PRKD1: variants seen among roughly 807,000 people sequenced by gnomAD.
PRKD1 encodes serine/threonine-protein kinase D1.
In PRKD1, 63 loss-of-function variants were observed where a neutral mutation model predicts 95.9. The observed-to-expected ratio is 0.66, with a 90% CI of 0.54 to 0.81. PRKD1 has a LOEUF of 0.81. PRKD1 is among the 30% of genes least tolerant of loss of function. The probability of loss-of-function intolerance (pLI) is 0.00; values close to 1 mark genes in which losing one functional copy is unlikely to be tolerated. For missense variants in PRKD1, 1,048 were observed against 1,165.3 expected (o/e 0.90, Z 1.47); for synonymous variants, 425 against 423.1 (o/e 1.00, Z -0.05).
At chr14:29,889,075 T>C (rs955336263) in intron 1 of PRKD1, among the ~76,000 whole-genome samples, 3 of 152,216 alleles carry the variant, frequency 2.0e-5, no homozygotes, top group African/African-American at 7.2e-5. Flanking sequence ...TTAACAGCAT[T>C]GGTCCTCTAG....
chr14:29,877,718 T>A (rs1037713484), intron 1 of PRKD1, among the ~76,000 whole-genome samples: 1 of 152,212 alleles, frequency 6.6e-6, no homozygotes, highest in Admixed American at 6.5e-5. Flanking sequence ...TAACCAGTTA[T>A]CCCAGCACCA....
chr14:29,630,388 C>G (rs557958589), intron 10 of PRKD1, among the ~76,000 whole-genome samples: 1 of 152,238 alleles, frequency 6.6e-6, no homozygotes, highest in Admixed American at 6.5e-5. Flanking sequence ...CTCCACCTAC[C>G]TTGGCCTCCC....
At chr14:29,843,078 T>C (rs1160311817) in intron 1 of PRKD1, among the ~76,000 whole-genome samples, 1 of 152,204 alleles carries the variant, frequency 6.6e-6, no homozygotes, top group Admixed American at 6.5e-5. Context: ...TCCTAACTCC[T>C]AGTACCTCAG....
intron 1 of PRKD1, among the ~76,000 whole-genome samples, chr14:29,877,628 T>C (rs886292641): frequency 6.6e-6 from 1 of 152,214 alleles, no homozygotes; most frequent in Non-Finnish European, 1.5e-5. Flanking sequence ...TTGTTTTACA[T>C]TTAAGTCTTT....
At chr14:29,828,745 T>C (rs1186310871) in intron 1 of PRKD1, among the ~76,000 whole-genome samples, 2 of 152,126 alleles carry the variant, frequency 1.3e-5, no homozygotes, top group Admixed American at 1.3e-4. Context: ...ACAAAACATA[T>C]ACTGAATTAG....
intron 1 of PRKD1, among the ~76,000 whole-genome samples, chr14:29,893,027 A>G (rs867666494): frequency 6.6e-6 from 1 of 152,230 alleles, no homozygotes; most frequent in East Asian, 1.9e-4. Flanking sequence ...TTTCAATAAC[A>G]TATCTATTGA....
chr14:29,768,223 T>TCTGTAGGA (rs1215443081), intron 1 of PRKD1, among the ~76,000 whole-genome samples: 33 of 152,280 alleles, frequency 2.2e-4, no homozygotes, highest in African/African-American at 6.5e-4. Context: ...TTCCATCTAC[T>TCTGTAGGA]CTGTAGGACT....
chr14:29,827,315 T>G (rs953866159), intron 1 of PRKD1, among the ~76,000 whole-genome samples: 1 of 152,088 alleles, frequency 6.6e-6, no homozygotes, highest in Non-Finnish European at 1.5e-5. Flanking sequence ...CATGAAATCC[T>G]AAGAATTCAG....
intron 13 of PRKD1, among the ~76,000 whole-genome samples, chr14:29,620,394 C>T (rs903959817): frequency 6.7e-6 from 1 of 149,672 alleles, no homozygotes; most frequent in African/African-American, 2.5e-5. Context: ...AGGCAACCTA[C>T]AAAATGGGAG....
intron 2 of PRKD1, among the ~76,000 whole-genome samples, chr14:29,711,377 CA>C (rs1029873268): frequency 6.6e-6 from 1 of 152,020 alleles, no homozygotes; most frequent in Non-Finnish European, 1.5e-5. Flanking sequence ...GTTAAGACAG[CA>C]ATTGACAATC....
intron 1 of PRKD1, among the ~76,000 whole-genome samples, chr14:29,778,879 A>C (rs1888900642): frequency 6.6e-6 from 1 of 152,206 alleles, no homozygotes; most frequent in Non-Finnish European, 1.5e-5. Context: ...ACCGATGCAA[A>C]AATCCTCAAT....
chr14:29,768,912 T>C (rs370724650), intron 1 of PRKD1, among the ~76,000 whole-genome samples: 1 of 152,164 alleles, frequency 6.6e-6, no homozygotes, highest in Non-Finnish European at 1.5e-5. Flanking sequence ...AGGACTAGCA[T>C]GATGTGCGTT....
intron 1 of PRKD1, among the ~76,000 whole-genome samples, chr14:29,881,543 C>T (rs1893512482): frequency 6.6e-6 from 1 of 152,178 alleles, no homozygotes; most frequent in African/African-American, 2.4e-5. Context: ...CCCACTCCTT[C>T]TCCATTTTGC....
chr14:29,708,824 C>A (rs1885207260), intron 2 of PRKD1, among the ~76,000 whole-genome samples: 2 of 152,166 alleles, frequency 1.3e-5, no homozygotes, highest in South Asian at 4.1e-4. Context: ...GTTCACACCA[C>A]TGCACTCCAA....
At chr14:29,887,428 T>C (rs1346567303) in intron 1 of PRKD1, among the ~76,000 whole-genome samples, 1 of 152,192 alleles carries the variant, frequency 6.6e-6, no homozygotes, top group African/African-American at 2.4e-5. Flanking sequence ...CCAATATTAC[T>C]TTCAAATAAG....
chr14:29,896,067 C>A (rs1012027829), intron 1 of PRKD1, among the ~76,000 whole-genome samples: 3 of 152,130 alleles, frequency 2.0e-5, no homozygotes, highest in Non-Finnish European at 4.4e-5. Flanking sequence ...ATACCATCTA[C>A]TTTACAATAG....
chr14:29,638,407 A>G, intron 6 of PRKD1, 82 bp downstream of exon 6: 1 of 1,513,218 alleles, frequency 6.6e-7, no homozygotes, highest in Non-Finnish European at 9.1e-7. Flanking sequence ...CAAAACCAAA[A>G]CCAAAAACCC....
intron 1 of PRKD1, among the ~76,000 whole-genome samples, chr14:29,775,361 G>T (rs1004557616): frequency 2.0e-5 from 3 of 152,202 alleles, no homozygotes; most frequent in African/African-American, 7.2e-5. Flanking sequence ...CGCCTCACCC[G>T]GGAAAAGCAA....
chr14:29,619,323 T>C (rs1040966826), intron 13 of PRKD1, among the ~76,000 whole-genome samples: 3 of 152,158 alleles, frequency 2.0e-5, no homozygotes, highest in Admixed American at 6.6e-5. Flanking sequence ...CAAACACACA[T>C]AATCCTTTTT....
Sources: gnomAD v4.1 joint callset for allele counts (sites outside exome capture counted in the v4.1 genomes callset) on GRCh38, gnomAD v4.1.1 for gene constraint, MANE v1.5 for transcripts, NCBI Gene and HGNC (gene_info 2026-07-23, HGNC 2026-07-21) for gene names.